Variants in HAPLN4 observed in about 807,000 individuals in gnomAD.
HAPLN4 encodes the protein brain link protein 2.
A neutral mutation model predicts 28.0 loss-of-function variants in HAPLN4; 19 were observed. The observed-to-expected ratio is 0.68, with a 90% CI of 0.47 to 1.00. The LOEUF is 1.00. Among genes scored for constraint, HAPLN4 ranks in the 50% least tolerant of loss-of-function variants. The pLI is 0.00. For synonymous variants in HAPLN4, 274 were observed against 273.0 expected (o/e 1.00, Z -0.03); for missense variants, 587 against 602.6 (o/e 0.97, Z 0.27).
chr19:19,257,838 G>A lies in HAPLN4; in HGVS notation c.1188C>T (p.Ala396=), dbSNP rs776640273. Residue 396 remains alanine, a synonymous_variant, in exon 5 of 5, where the codon GCC becomes GCT. Transcript: ENST00000291481. ...GWAGGARDPA[A]WTPLHV is the part of the protein sequence containing the mutation. ...CAGCCTAGACGTGCAGAGGGGTCCA[G>A]GCAGCAGGATCGCGCGCGCCCCCTG... is the stretch of plus-strand genomic sequence containing the variant. 4.2e-6 allele frequency: 6 copies of A among 1,418,266 alleles called. No individual in the cohort carries two copies. The African/African-American group carries it at 9.0e-5, about 21-fold the overall frequency. 87.9% of individuals were successfully genotyped at this position (1,418,266 alleles called of 1,614,324 possible).
chr19:19,261,763 A>T (rs1404327365), intron 1 of HAPLN4, 200 bp from the exon 2 acceptor site: 9 of 479,100 alleles, frequency 1.9e-5, no homozygotes, highest in Non-Finnish European at 2.9e-5. Flanking sequence ...ACGCCCCTAG[A>T]CTCCCCCCCG....
chr19:19,258,063 A>C lies in HAPLN4; in HGVS notation c.963T>G (p.Gly321=). Reference sequence around the variant, plus strand: ...AGCGCGCACTGCCATCGGCCAGCCAACCCGCGGTGCAGCGGTCTAGCAGCT... The same window carrying C: ...AGCGCGCACTGCCATCGGCCAGCCACCCCGCGGTGCAGCGGTCTAGCAGCT... ...KLQLLDRCTA[G]WLADGSARYP... is the part of the protein sequence containing the mutation. Residue 321 remains glycine, a synonymous_variant, in exon 5 of 5, where the codon GGT becomes GGG. Transcript: ENST00000291481. This position sits in a 1 kb window ranked among gnomAD's most constrained non-coding sequence, Gnocchi z 6.2. 6.4e-7 allele frequency: 1 copy of C among 1,552,706 alleles called. No individual in the cohort carries two copies. Among genetic ancestry groups the C allele is most frequent in the Non-Finnish European group, 8.7e-7 (1 of 1,155,828 alleles).
At chr19:19,259,020 G>A (rs2060975609) in intron 3 of HAPLN4, among the ~76,000 whole-genome samples, 165 bp from the exon 4 acceptor site, 1 of 152,098 alleles carries the variant, frequency 6.6e-6, no homozygotes, top group African/African-American at 2.4e-5. Context: ...CCATATAGCT[G>A]TCTCCCTTCA....
At chr19:19,260,761 C>A in intron 3 of HAPLN4, 52 bp downstream of exon 3, 1 of 1,571,598 alleles carries the variant, frequency 6.4e-7, no homozygotes, top group South Asian at 1.2e-5. Context: ...TTGCCATCCC[C>A]GCCCCCCTCC....
Position 19,261,433 on chromosome 19 carries a change from G to A in HAPLN4, c.121+13C>T. The A allele has an allele frequency of 6.2e-7, 1 of 1,601,836 alleles. No homozygotes were observed. The highest frequency in any genetic ancestry group is 8.5e-7 in the Non-Finnish European group (1 of 1,170,102). On this transcript the variant is annotated intron_variant, in intron 2 of 4. Transcript: ENST00000291481. ...TTTCGCGGAGAAGACCACTTTTAGC[G>A]GCCCTGACTCACCCAGCACGTGCAC...
rs755452178 is a variant in HAPLN4 at position 19,260,986 on chromosome 19, G to A, written c.311C>T (p.Pro104Leu). The A allele has an allele frequency of 1.2e-5, 19 of 1,613,650 alleles. No homozygotes were observed. The South Asian group carries it at 2.1e-4, about 18-fold the overall frequency. The change falls in exon 3 of 5, where the codon CCC becomes CTC. Residue 104 changes from proline to leucine, a missense_variant. Coordinates refer to ENST00000291481, the MANE Select transcript of HAPLN4 (RefSeq NM_023002.3). ...GTAGCTGCCGAATGCCCGGTGCTGG[G>A]GGCCTAGTGCCACGAAGACGTCGGT... ...AFTDVFVALG[P>L]QHRAFGSYRG...
Position 19,258,907 on chromosome 19 carries a change from A to G in HAPLN4, c.485-52T>C. 7.1e-7 allele frequency: 1 copy of G among 1,398,710 alleles called. No homozygotes were observed. Among genetic ancestry groups the G allele is most frequent in the Non-Finnish European group, 9.5e-7 (1 of 1,050,720 alleles). 86.6% of individuals were successfully genotyped at this position (1,398,710 alleles called of 1,614,324 possible). The stretch of plus-strand genomic sequence containing the variant: ...GGTACACCCCAGCCCACCCTCATGC[A>G]CCTGACGTCTGGGGTGCTATGTGAC... On this transcript the variant is annotated intron_variant, in intron 3 of 4. Transcript: ENST00000291481. This position sits in a 1 kb window ranked among gnomAD's most constrained non-coding sequence, Gnocchi z 6.2.
Position 19,255,243 on chromosome 19 carries a change from A to G in HAPLN4, c.*2574T>C, listed in dbSNP as rs2060962102. Reference sequence around the variant, plus strand: ...GAGGAATGAAGGACCCCACTTCCAAAGAGAATAAAAATCAAGCCCGGCCAG... The same window carrying G: ...GAGGAATGAAGGACCCCACTTCCAAGGAGAATAAAAATCAAGCCCGGCCAG... On this transcript the variant is annotated 3_prime_UTR_variant, in exon 5 of 5. Transcript: ENST00000291481. The G allele has an allele frequency of 6.6e-6, 1 of 152,220 alleles. No homozygotes were observed. Among genetic ancestry groups the G allele is most frequent in the Non-Finnish European group, 1.5e-5 (1 of 68,100 alleles). 9.4% of individuals were successfully genotyped at this position (152,220 alleles called of 1,614,324 possible). A position where few individuals can be genotyped will look rare whatever the true frequency, so the allele number is the denominator to read the frequency against.
chr19:19,260,512 C>A (rs1477219519), intron 3 of HAPLN4, among the ~76,000 whole-genome samples: 1 of 152,182 alleles, frequency 6.6e-6, no homozygotes, highest in Non-Finnish European at 1.5e-5. Context: ...CCACCATGCC[C>A]GGCCTGGATC....
chr19:19,260,765 C>G, intron 3 of HAPLN4, 48 bp downstream of exon 3: 6 of 1,576,968 alleles, frequency 3.8e-6, no homozygotes, highest in Non-Finnish European at 5.2e-6. Flanking sequence ...CATCCCCGCC[C>G]CCCTCCTTCC....
At chr19:19,262,239 CAG>C (rs1184354469) in intron 1 of HAPLN4, among the ~76,000 whole-genome samples, 1 of 133,238 alleles carries the variant, frequency 7.5e-6, no homozygotes, top group African/African-American at 3.0e-5. Context: ...AAGGGAGAGA[CAG>C]AGAGGAAGAG....
In HAPLN4 at chr19:19,261,180, G is replaced by T. The variant is rs759053508; in HGVS notation, c.122-5C>A. 59 of 1,589,726 alleles carry T rather than the reference G, an allele frequency of 3.7e-5. No individual in the cohort carries two copies. Among genetic ancestry groups the T allele is most frequent in the Non-Finnish European group, 5.1e-5 (59 of 1,165,026 alleles). ...CTACCGAGCCCGACTCACCCTCTGAGGACAACCAAGCAGGGTTCAGAGGAG... is the reference window on the plus strand; with the variant it reads ...CTACCGAGCCCGACTCACCCTCTGATGACAACCAAGCAGGGTTCAGAGGAG... On this transcript the variant is annotated splice_region_variant and splice_polypyrimidine_tract_variant and intron_variant, in intron 2 of 4. Transcript: ENST00000291481.
At chr19:19,261,420 G>C in intron 2 of HAPLN4, 26 bp downstream of exon 2, 2 of 1,584,262 alleles carry the variant, frequency 1.3e-6, no homozygotes, top group Non-Finnish European at 1.7e-6. Flanking sequence ...TCGCGGAGAA[G>C]ACCACTTTTA....
intron 1 of HAPLN4, among the ~76,000 whole-genome samples, chr19:19,262,417 GGGAGAGGGAGAGACA>G (rs1323298436): frequency 6.6e-6 from 1 of 150,760 alleles, no homozygotes; most frequent in Non-Finnish European, 1.5e-5. Flanking sequence ...GAGACAGAAA[GGGAGAGGGAGAGACA>G]GGAGAGTGCC....
intron 1 of HAPLN4, among the ~76,000 whole-genome samples, chr19:19,262,098 A>G (rs2060985668): frequency 6.6e-6 from 1 of 151,922 alleles, no homozygotes; most frequent in African/African-American, 2.4e-5. Context: ...ATGGAGAGGG[A>G]GAGACAGATG....
At position 19,258,713 on chromosome 19, in the gene HAPLN4, G is replaced by T; in HGVS notation, c.627C>A (p.Cys209Ter). The change falls in exon 4 of 5, where the codon TGC becomes TGA. Residue 209 changes from cysteine to a stop codon, truncating the protein, a stop_gained. Transcript: ENST00000291481. LOFTEE classifies it high-confidence loss of function. The surrounding 1 kb of genome is among the most constrained non-coding windows in gnomAD (Gnocchi z 6.2). Reference protein sequence around the residue: ...HAAWRDGLDWCNAGWLRDGSV... With the variant: ...HAAWRDGLDW Reference sequence around the variant, plus strand: ...AGCCGTCGCGCAACCAGCCCGCGTTGCACCAGTCCAGGCCGTCGCGCCAGG... The same window carrying T: ...AGCCGTCGCGCAACCAGCCCGCGTTTCACCAGTCCAGGCCGTCGCGCCAGG... 1 of 1,605,574 alleles carries T rather than the reference G, an allele frequency of 6.2e-7. No homozygotes were observed.
Position 19,258,437 on chromosome 19 carries a change from G to T in HAPLN4, c.817+86C>A. On this transcript the variant is annotated intron_variant, in intron 4 of 4. Coordinates refer to ENST00000291481, the MANE Select transcript of HAPLN4 (RefSeq NM_023002.3). This position sits in a 1 kb window ranked among gnomAD's most constrained non-coding sequence, Gnocchi z 6.2. ...CTTGGGAGAGGGGTCTCCTGTTTCT[G>T]ATCGCTAAGAGCTGGGTGGGGAAGA... is the stretch of plus-strand genomic sequence containing the variant. 1 of 1,387,784 alleles carries T rather than the reference G, an allele frequency of 7.2e-7. No homozygotes were observed. Among genetic ancestry groups the T allele is most frequent in the South Asian group, 1.2e-5 (1 of 80,622 alleles). 86.0% of individuals were successfully genotyped at this position (1,387,784 alleles called of 1,614,324 possible). A position where few individuals can be genotyped will look rare whatever the true frequency, so the allele number is the denominator to read the frequency against.
Position 19,258,546 on chromosome 19 carries a change from A to T in HAPLN4, c.794T>A (p.Phe265Tyr). The T allele has an allele frequency of 1.2e-6, 2 of 1,613,604 alleles. No homozygotes were observed. Among genetic ancestry groups the T allele is most frequent in the Non-Finnish European group, 1.7e-6 (2 of 1,179,872 alleles). The change falls in exon 4 of 5, where the codon TTC becomes TAC. Residue 265 changes from phenylalanine (F) to tyrosine (Y), a missense_variant. By Grantham distance (22) the Phe-to-Tyr change is conservative (BLOSUM62 3). Transcript: ENST00000291481. The surrounding 1 kb of genome is among the most constrained non-coding windows in gnomAD (Gnocchi z 6.2). ...ACCCGGCAGGTTGGACGTGAAGCAG[A>T]AGGCGTCGTAGCGTTCCTCGGCGTT... ...RHNAEERYDA[F>Y]CFTSNLPGRV...
intron 1 of HAPLN4, chr19:19,261,776 C>G (rs1313950292): frequency 6.0e-6 from 3 of 500,336 alleles, no homozygotes; most frequent in Admixed American, 4.1e-5. Flanking sequence ...CCCCCCCGCC[C>G]TCAGTCCTGC....
Sources: allele counts gnomAD v4.1 joint callset (sites outside exome capture counted in the v4.1 genomes callset), GRCh38; gene constraint gnomAD v4.1.1; non-coding constraint Gnocchi (gnomAD v3.1); transcripts MANE v1.5; gene names NCBI Gene and HGNC (gene_info 2026-07-23, HGNC 2026-07-21).